The following PPP1R15B variants were observed in gnomAD, a reference collection of about 807,000 sequenced individuals.
The protein encoded by PPP1R15B is protein phosphatase 1, regulatory (inhibitor) subunit 15B.
In PPP1R15B, 31 loss-of-function variants were observed where a neutral mutation model predicts 53.9. The ratio of observed to expected loss-of-function variants is 0.58; its 90% CI spans 0.43 to 0.78. PPP1R15B has a LOEUF of 0.78. Ranked by LOEUF, PPP1R15B falls within the 30% of genes least tolerant of loss-of-function variation. The pLI, the probability that PPP1R15B is intolerant of heterozygous loss-of-function variation, is 0.00. For synonymous variants in PPP1R15B, 345 were observed against 329.1 expected, an observed-to-expected ratio of 1.05 and a Z score of -0.52; for missense variants, 928 against 849.6, an observed-to-expected ratio of 1.09 and a Z score of -1.15.
At chr1:204,397,559 C>G (rs1558212391), downstream of PPP1R15B, among the ~76,000 whole-genome samples, 1 of 151,958 alleles carries the variant, frequency 6.6e-6, no homozygotes, top group African/African-American at 2.4e-5. Context: ...TTTAAGGGTT[C>G]TTACCACAAA....
At position 204,404,288 on chromosome 1, in the gene PPP1R15B, T is replaced by A; in HGVS notation, c.*1804A>T. ...CACGAGGTCAGCAGTTCAAGACCAG[T>A]CTGGCCAACATAGCGAAACCCCGTC... On this transcript the variant is annotated 3_prime_UTR_variant, in exon 2 of 2. Transcript: ENST00000367188. The A allele has an allele frequency of 2.3e-6, 2 of 867,004 alleles. No homozygotes were observed. The highest frequency in any genetic ancestry group is 2.8e-6 in the Non-Finnish European group (2 of 722,228). 53.7% of individuals were successfully genotyped at this position (867,004 alleles called of 1,614,324 possible). A position where few individuals can be genotyped will look rare whatever the true frequency, so the allele number is the denominator to read the frequency against.
At chr1:204,401,762 A>T (rs1674182683), downstream of PPP1R15B, among the ~76,000 whole-genome samples, 1 of 152,148 alleles carries the variant, frequency 6.6e-6, no homozygotes. Context: ...CTCTACAAAA[A>T]ACAGAAAAAT....
chr1:204,398,867 G>A (rs1184483331), downstream of PPP1R15B, among the ~76,000 whole-genome samples: 1 of 152,210 alleles, frequency 6.6e-6, no homozygotes, highest in Non-Finnish European at 1.5e-5. Flanking sequence ...GGTCTCAGTT[G>A]ATTTGCTCGC....
rs1674247242 is a variant in PPP1R15B at position 204,405,408 on chromosome 1, A to C, written c.*684T>G. On this transcript the variant is annotated 3_prime_UTR_variant, in exon 2 of 2. Coordinates refer to ENST00000367188, the MANE Select transcript of PPP1R15B (RefSeq NM_032833.5). ...TGTGGTAGAAAGATGCAGCTTTCCC[A>C]AAGTAGTAAAGTACTGCACATATGG... 1 of 985,172 alleles carries C rather than the reference A, an allele frequency of 1.0e-6. No homozygotes were observed. Among genetic ancestry groups the C allele is most frequent in the Non-Finnish European group, 1.2e-6 (1 of 829,820 alleles). The allele number at this position is 985,172 out of a possible 1,614,324, so 61.0% of individuals were successfully genotyped here.
At position 204,404,537 on chromosome 1, in the gene PPP1R15B, T is replaced by C. The variant is rs535129013; in HGVS notation, c.*1555A>G. ...CACAGAATAAGGGCTCTGCAAAAAT[T>C]TGACCAGCTTTTATAGTGTTGCATT... On this transcript the variant is annotated 3_prime_UTR_variant, in exon 2 of 2. Transcript: ENST00000367188. 1.0e-4 allele frequency: 101 copies of C among 985,560 alleles called. No homozygotes were observed. The highest frequency in any genetic ancestry group is 1.4e-4 in the South Asian group (3 of 21,282). 61.1% of individuals were successfully genotyped at this position (985,560 alleles called of 1,614,324 possible). A position where few individuals can be genotyped will look rare whatever the true frequency, so the allele number is the denominator to read the frequency against.
In PPP1R15B at chr1:204,404,858, A is replaced by T. The variant is rs1674237834; in HGVS notation, c.*1234T>A. ...AAAGCTAAACAAATAAACCAAACAC[A>T]AACAGTCAATGCAAAGACTTCAATT... On this transcript the variant is annotated 3_prime_UTR_variant, in exon 2 of 2. Coordinates refer to ENST00000367188, the MANE Select transcript of PPP1R15B (RefSeq NM_032833.5). 5.1e-6 allele frequency: 5 copies of T among 985,668 alleles called. No individual in the cohort carries two copies. In the Admixed American group the frequency reaches 2.5e-4, roughly 48 times the overall value. 61.1% of individuals were successfully genotyped at this position (985,668 alleles called of 1,614,324 possible).
In PPP1R15B at chr1:204,405,458, T is replaced by G; in HGVS notation, c.*634A>C. 7 of 984,264 alleles carry G rather than the reference T, an allele frequency of 7.1e-6. No homozygotes were observed. The highest frequency in any genetic ancestry group is 8.4e-6 in the Non-Finnish European group (7 of 829,022). The allele number at this position is 984,264 out of a possible 1,614,324, so 61.0% of individuals were successfully genotyped here. On this transcript the variant is annotated 3_prime_UTR_variant, in exon 2 of 2. Coordinates refer to ENST00000367188, the MANE Select transcript of PPP1R15B (RefSeq NM_032833.5). ...GGTTTTGTGGCAGTCCTTGGAAATA[T>G]CCTAGGTAGAACTTAATGTAGAAAT...
Position 204,409,631 on chromosome 1 carries a change from G to A in PPP1R15B, c.1781C>T (p.Ser594Phe). 1.2e-6 allele frequency: 2 copies of A among 1,614,118 alleles called. No individual in the cohort carries two copies. The highest frequency in any genetic ancestry group is 1.7e-6 in the Non-Finnish European group (2 of 1,180,026). ...GTGACACTCAGAAATGGCCACAATGGACTCAGATGGGGTCTTTGAGTCACG... is the reference window on the plus strand; with the variant it reads ...GTGACACTCAGAAATGGCCACAATGAACTCAGATGGGGTCTTTGAGTCACG... The part of the protein sequence containing the change: ...GCRDSKTPSE[S>F]IVAISECHTL... Residue 594 changes from serine to phenylalanine, a missense_variant, in exon 1 of 2, where the codon TCC becomes TTC. Coordinates refer to ENST00000367188, the MANE Select transcript of PPP1R15B (RefSeq NM_032833.5).
downstream of PPP1R15B, among the ~76,000 whole-genome samples, chr1:204,401,079 G>GT (rs1280087866): frequency 2.0e-5 from 3 of 152,210 alleles, no homozygotes; most frequent in Non-Finnish European, 4.4e-5. Context: ...AAACACTGAT[G>GT]TAACTCAAAT....
In PPP1R15B at chr1:204,411,142, T is replaced by A. The variant is rs200851209; in HGVS notation, c.270A>T (p.Gly90=). 33 of 1,614,108 alleles carry A rather than the reference T, an allele frequency of 2.0e-5. No homozygotes were observed. The highest frequency in any genetic ancestry group is 2.7e-5 in the Non-Finnish European group (32 of 1,180,024). Residue 90 remains glycine, a synonymous_variant, in exon 1 of 2, where the codon GGA becomes GGT. Transcript: ENST00000367188. Reference sequence around the variant, plus strand: ...AATCTAGCCATCTGGTCGGAAACATTCCACCGAAAAGTTGGCTCCAAATTA... The same window carrying A: ...AATCTAGCCATCTGGTCGGAAACATACCACCGAAAAGTTGGCTCCAAATTA... ...KVLIWSQLFG[G]MFPTRWLDFA... is the part of the protein sequence containing the mutation.
intron 1 of PPP1R15B, among the ~76,000 whole-genome samples, chr1:204,407,651 GATAA>G (rs1454848549): frequency 3.3e-5 from 5 of 152,082 alleles, no homozygotes; most frequent in African/African-American, 1.2e-4. Flanking sequence ...GTGTCATTAA[GATAA>G]ATAATAAAAA....
Position 204,411,547 on chromosome 1 carries a change from G to A in PPP1R15B, c.-136C>T. ...CTGCTCCAGGCCGATCTTCGAGCCA[G>A]CAGAAAAGCCACAGAGGGCAGCGAA... On this transcript the variant is annotated 5_prime_UTR_variant, in exon 1 of 2. Transcript: ENST00000367188. The A allele has an allele frequency of 8.1e-7, 1 of 1,241,066 alleles. No homozygotes were observed. 76.9% of individuals were successfully genotyped at this position (1,241,066 alleles called of 1,614,324 possible).
downstream of PPP1R15B, among the ~76,000 whole-genome samples, chr1:204,402,371 G>C (rs767835627): frequency 1.3e-5 from 2 of 151,810 alleles, no homozygotes; most frequent in Non-Finnish European, 2.9e-5. Flanking sequence ...ATTCTTTTGA[G>C]ACAGTCTCAA....
At position 204,404,367 on chromosome 1, in the gene PPP1R15B, C is replaced by A. The variant is rs1015117858; in HGVS notation, c.*1725G>T. On this transcript the variant is annotated 3_prime_UTR_variant, in exon 2 of 2. Coordinates refer to ENST00000367188, the MANE Select transcript of PPP1R15B (RefSeq NM_032833.5). Reference sequence around the variant, plus strand: ...GGGCGTGGTGGTGTGTGCCTGTAATCCCAGCTACTCGGGAGGCTGAGGCAG... The same window carrying A: ...GGGCGTGGTGGTGTGTGCCTGTAATACCAGCTACTCGGGAGGCTGAGGCAG... 2 of 484,440 alleles carry A rather than the reference C, an allele frequency of 4.1e-6. No individual in the cohort carries two copies. The highest frequency in any genetic ancestry group is 5.4e-6 in the Non-Finnish European group (2 of 372,732). 30.0% of individuals were successfully genotyped at this position (484,440 alleles called of 1,614,324 possible).
Position 204,404,195 on chromosome 1 carries a change from A to T in PPP1R15B, c.*1897T>A. ...CCATCCTGTAAATGTGCTCCCTATGATTACCTAAAGTGGAGGTGCACAAAA... is the reference window on the plus strand; with the variant it reads ...CCATCCTGTAAATGTGCTCCCTATGTTTACCTAAAGTGGAGGTGCACAAAA... On this transcript the variant is annotated 3_prime_UTR_variant, in exon 2 of 2. Coordinates refer to ENST00000367188, the MANE Select transcript of PPP1R15B (RefSeq NM_032833.5). 1 of 985,376 alleles carries T rather than the reference A, an allele frequency of 1.0e-6. No homozygotes were observed. Among genetic ancestry groups the T allele is most frequent in the Non-Finnish European group, 1.2e-6 (1 of 829,920 alleles). 61.0% of individuals were successfully genotyped at this position (985,376 alleles called of 1,614,324 possible).
downstream of PPP1R15B, among the ~76,000 whole-genome samples, chr1:204,400,342 C>CT (rs888460091): frequency 3.5e-4 from 52 of 149,266 alleles, no homozygotes; most frequent in East Asian, 5.8e-4. Context: ...GTTAATCCAT[C>CT]TTTTTTATTT....
rs1028314153 is a variant in PPP1R15B at position 204,411,652 on chromosome 1, G to A, written c.-241C>T. The A allele has an allele frequency of 1.6e-4, 94 of 593,400 alleles. No homozygotes were observed. Among genetic ancestry groups the A allele is most frequent in the African/African-American group, 1.6e-3 (85 of 53,694 alleles). 36.8% of individuals were successfully genotyped at this position (593,400 alleles called of 1,614,324 possible). On this transcript the variant is annotated 5_prime_UTR_variant, in exon 1 of 2. Coordinates refer to ENST00000367188, the MANE Select transcript of PPP1R15B (RefSeq NM_032833.5). ...CTGATGCGACTTCCATCCTGGCGGG[G>A]AAGGAGGTTCCCTAGTCGGCTCGAC... is the stretch of plus-strand genomic sequence containing the variant.
chr1:204,406,914 C>A (rs930006653), intron 1 of PPP1R15B, among the ~76,000 whole-genome samples: 1 of 152,080 alleles, frequency 6.6e-6, no homozygotes, highest in African/African-American at 2.4e-5. Flanking sequence ...CAATCCCCCA[C>A]CAGCCCTTGG....
At position 204,411,281 on chromosome 1, in the gene PPP1R15B, T is replaced by C. The variant is rs1054301704; in HGVS notation, c.131A>G (p.Asn44Ser). 7.4e-6 allele frequency: 12 copies of C among 1,613,732 alleles called. No homozygotes were observed. Among genetic ancestry groups the C allele is most frequent in the Non-Finnish European group, 3.4e-6 (4 of 1,179,984 alleles). Residue 44 changes from asparagine to serine, a missense_variant, in exon 1 of 2, where the codon AAC becomes AGC. Transcript: ENST00000367188. Reference sequence around the variant, plus strand: ...GGAAAGCAGTGTGGGGTTCCCGGAGTTTTCCGGGCCAAGAGGCGTCGGGAA... The same window carrying C: ...GGAAAGCAGTGTGGGGTTCCCGGAGCTTTCCGGGCCAAGAGGCGTCGGGAA... ...SKFPTPLGPE[N>S]SGNPTLLSSA...
Sources: allele counts gnomAD v4.1 joint callset (sites outside exome capture counted in the v4.1 genomes callset), GRCh38; gene constraint gnomAD v4.1.1; transcripts MANE v1.5; gene names NCBI Gene and HGNC (gene_info 2026-07-23, HGNC 2026-07-21).